The following MLLT3 variants were observed in gnomAD, a reference collection of about 807,000 sequenced individuals.
MLLT3 encodes MLLT3 super elongation complex subunit.
MLLT3 carries 4 observed loss-of-function variants against 53.2 expected under a neutral mutation model. That is an observed-to-expected ratio of 0.08 (90% CI 0.04 to 0.17). MLLT3 has a LOEUF of 0.17. Among genes scored for constraint, MLLT3 ranks in the 10% least tolerant of loss-of-function variants. The probability of loss-of-function intolerance (pLI) is 1.00; values close to 1 mark genes in which losing one functional copy is unlikely to be tolerated. For missense variants in MLLT3, 569 were observed against 684.0 expected (o/e 0.83, Z 1.87); for synonymous variants, 283 against 230.6 (o/e 1.23, Z -2.06).
chr9:20,356,824 A>G (rs1050615707), intron 8 of MLLT3, among the ~76,000 whole-genome samples: 3 of 152,206 alleles, frequency 2.0e-5, no homozygotes, highest in Non-Finnish European at 4.4e-5. Context: ...TACAGCACAG[A>G]AGGCCAAAAT....
intron 2 of MLLT3, among the ~76,000 whole-genome samples, chr9:20,486,208 A>G (rs1824808059): frequency 6.6e-6 from 1 of 152,200 alleles, no homozygotes; most frequent in Non-Finnish European, 1.5e-5. Context: ...AACCAGAAAT[A>G]AGGTAATATA....
chr9:20,589,402 G>A (rs1345847125), intron 2 of MLLT3, among the ~76,000 whole-genome samples: 4 of 140,314 alleles, frequency 2.9e-5, no homozygotes, highest in Non-Finnish European at 6.1e-5. Flanking sequence ...CATGGACACA[G>A]GAAGGGGAAC....
intron 10 of MLLT3, among the ~76,000 whole-genome samples, chr9:20,350,243 G>A (rs1820976078): frequency 6.6e-6 from 1 of 152,166 alleles, no homozygotes; most frequent in South Asian, 2.1e-4. Flanking sequence ...CTGCATCATA[G>A]TGCAATAATT....
intron 2 of MLLT3, among the ~76,000 whole-genome samples, chr9:20,551,172 C>T (rs1251042666): frequency 6.6e-6 from 1 of 152,190 alleles, no homozygotes; most frequent in Admixed American, 6.5e-5. Context: ...TAGCAGCCAG[C>T]AGATATGAAA....
chr9:20,392,883 A>G (rs1822222310), intron 5 of MLLT3, among the ~76,000 whole-genome samples: 1 of 152,252 alleles, frequency 6.6e-6, no homozygotes, highest in South Asian at 2.1e-4. Context: ...GGTATCATTA[A>G]AAGACTGATG....
rs137930881 is a variant in MLLT3 at position 20,471,701 on chromosome 9, G to T, written c.194-14915C>A. Among the ~76,000 whole-genome samples the T allele has an allele frequency of 7.1e-3, 1,076 of 152,098 alleles. 5 individuals carry two copies. The highest frequency in any genetic ancestry group is 0.02 in the Middle Eastern group (6 of 294). On this transcript the variant is annotated intron_variant, in intron 2 of 10. Coordinates refer to ENST00000380338, the MANE Select transcript of MLLT3 (RefSeq NM_004529.4). ...AAACATTCGTCTTAAAACATATTTTGCCAACAGTTACGCTTACTTCCACTA... is the reference window on the plus strand; with the variant it reads ...AAACATTCGTCTTAAAACATATTTTTCCAACAGTTACGCTTACTTCCACTA...
At chr9:20,400,353 G>T (rs555690787) in intron 5 of MLLT3, among the ~76,000 whole-genome samples, 1 of 152,206 alleles carries the variant, frequency 6.6e-6, no homozygotes, top group African/African-American at 2.4e-5. Flanking sequence ...TGCAAGATGT[G>T]AACTTTATTT....
In MLLT3 at chr9:20,414,073, G is replaced by T; in HGVS notation, c.773C>A (p.Pro258His). The T allele has an allele frequency of 6.2e-7, 1 of 1,613,880 alleles. No homozygotes were observed. The highest frequency in any genetic ancestry group is 1.3e-5 in the African/African-American group (1 of 74,972). ...ATCTGGTTTTGGCTCTTTTGACATG[G>T]GTTTAGGTTCCTTGAAGGCCATCTT... is the stretch of plus-strand genomic sequence containing the variant. ...VPKMAFKEPK[P>H]MSKEPKPDSN... is the part of the protein sequence containing the mutation. Residue 258 changes from proline (P) to histidine (H), a missense_variant, in exon 5 of 11, where the codon CCC (proline) becomes CAC (histidine). Physicochemically the swap from Pro to His is moderately conservative, Grantham distance 77. Coordinates refer to ENST00000380338, the MANE Select transcript of MLLT3 (RefSeq NM_004529.4).
At chr9:20,565,384 A>G (rs1819326315) in intron 2 of MLLT3, among the ~76,000 whole-genome samples, 1 of 152,100 alleles carries the variant, frequency 6.6e-6, no homozygotes, top group South Asian at 2.1e-4. Flanking sequence ...GGGTGCGCAC[A>G]CTGCGAATAA....
intron 2 of MLLT3, among the ~76,000 whole-genome samples, chr9:20,468,986 G>A: frequency 6.6e-6 from 1 of 152,178 alleles, no homozygotes; most frequent in Middle Eastern, 3.4e-3. Flanking sequence ...TTCTTAAAGA[G>A]AGAACAACTA....
intron 2 of MLLT3, among the ~76,000 whole-genome samples, chr9:20,553,107 A>T (rs1818966356): frequency 6.6e-6 from 1 of 152,206 alleles, no homozygotes; most frequent in South Asian, 2.1e-4. Flanking sequence ...CAGAGGTCAG[A>T]ATCCAGAATT....
chr9:20,594,315 TC>T (rs1820198341), intron 2 of MLLT3, among the ~76,000 whole-genome samples: 2 of 152,160 alleles, frequency 1.3e-5, no homozygotes, highest in Admixed American at 1.3e-4. Context: ...TTATGAGTGC[TC>T]CTCGACATAC....
chr9:20,372,225 A>G (rs147155022), intron 5 of MLLT3, among the ~76,000 whole-genome samples: 1 of 152,344 alleles, frequency 6.6e-6, no homozygotes, highest in African/African-American at 2.4e-5. Context: ...TGAAACGACA[A>G]TAAAGAATTT....
intron 7 of MLLT3, 84 bp downstream of exon 7, chr9:20,363,392 C>A: frequency 5.3e-5 from 80 of 1,513,058 alleles, no homozygotes; most frequent in Middle Eastern, 3.8e-4. Context: ...TGGTGTTTCA[C>A]ACCTTTGCTG....
At chr9:20,505,384 T>C (rs1001578944) in intron 2 of MLLT3, among the ~76,000 whole-genome samples, 10 of 152,166 alleles carry the variant, frequency 6.6e-5, no homozygotes, top group African/African-American at 2.4e-4. Flanking sequence ...TGCTAAATTA[T>C]AAACTTTTTT....
intron 2 of MLLT3, among the ~76,000 whole-genome samples, chr9:20,561,608 A>T (rs148979108): frequency 3.3e-5 from 5 of 152,236 alleles, no homozygotes; most frequent in Non-Finnish European, 7.4e-5. Flanking sequence ...ACCACCACAC[A>T]TGGTTGCTTA....
At chr9:20,439,632 C>G (rs1037487606) in intron 4 of MLLT3, among the ~76,000 whole-genome samples, 2 of 152,082 alleles carry the variant, frequency 1.3e-5, no homozygotes, top group African/African-American at 4.8e-5. Flanking sequence ...CAATAGAACA[C>G]ATTAATGGTA....
chr9:20,473,710 T>G (rs1437562265), intron 2 of MLLT3, among the ~76,000 whole-genome samples: 3 of 151,988 alleles, frequency 2.0e-5, no homozygotes, highest in African/African-American at 7.2e-5. Flanking sequence ...GTCACTGCTA[T>G]GAAAACCATT....
At chr9:20,368,798 G>T (rs1006374895) in intron 5 of MLLT3, among the ~76,000 whole-genome samples, 1 of 152,138 alleles carries the variant, frequency 6.6e-6, no homozygotes, top group African/African-American at 2.4e-5. Flanking sequence ...TACAACAAAA[G>T]ACATTAATTC....
Sources: allele counts gnomAD v4.1 joint callset (sites outside exome capture counted in the v4.1 genomes callset), GRCh38; gene constraint gnomAD v4.1.1; transcripts MANE v1.5; gene names NCBI Gene and HGNC (gene_info 2026-07-23, HGNC 2026-07-21).